SGCZ: variants seen among roughly 807,000 people sequenced by gnomAD.
SGCZ encodes the protein sarcoglycan zeta.
In SGCZ, 40 loss-of-function variants were observed where a neutral mutation model predicts 41.3. That is an observed-to-expected ratio of 0.97 (90% CI 0.75 to 1.26). SGCZ has a LOEUF of 1.26. SGCZ is among the 50% of genes most tolerant of loss of function. SGCZ has a pLI of 0.00. For missense variants in SGCZ, 552 were observed against 369.8 expected (o/e 1.49, Z -4.04); for synonymous variants, 206 against 137.5 (o/e 1.50, Z -3.49).
At chr8:14,567,214 G>A (rs1804398272) in intron 1 of SGCZ, among the ~76,000 whole-genome samples, 1 of 152,204 alleles carries the variant, frequency 6.6e-6, no homozygotes, top group South Asian at 2.1e-4. Flanking sequence ...CAAGGGCTGA[G>A]GAGTGCAGGC....
chr8:14,660,571 C>CAA (rs71304960), intron 1 of SGCZ, among the ~76,000 whole-genome samples: 2,878 of 67,122 alleles, frequency 0.043, 178 homozygotes, highest in African/African-American at 0.11. Context: ...AACTCCATCT[C>CAA]AAAAAAAAAA....
chr8:14,288,224 CTT>C (rs952275231), intron 3 of SGCZ, among the ~76,000 whole-genome samples: 19 of 152,038 alleles, frequency 1.2e-4, no homozygotes, highest in African/African-American at 4.1e-4. Flanking sequence ...TTATTAATCT[CTT>C]AAATTAATTT....
At chr8:14,464,237 T>C (rs754288006) in intron 2 of SGCZ, among the ~76,000 whole-genome samples, 12 of 151,460 alleles carry the variant, frequency 7.9e-5, no homozygotes, top group Non-Finnish European at 1.8e-4. Context: ...GGTGAAGCCA[T>C]CAAATCTGGG....
chr8:14,227,012 T>C (rs1293422183), intron 4 of SGCZ, among the ~76,000 whole-genome samples: 1 of 152,124 alleles, frequency 6.6e-6, no homozygotes, highest in African/African-American at 2.4e-5. Flanking sequence ...TACTCTAGTG[T>C]GCTTTAGGTA....
intron 3 of SGCZ, among the ~76,000 whole-genome samples, chr8:14,257,427 T>G (rs1799504765): frequency 6.6e-6 from 1 of 151,932 alleles, no homozygotes; most frequent in African/African-American, 2.4e-5. Flanking sequence ...TCTAAAACTG[T>G]TTTTGCAGCA....
chr8:15,208,176 G>A (rs374992372), intron 1 of SGCZ, among the ~76,000 whole-genome samples: 49 of 152,226 alleles, frequency 3.2e-4, no homozygotes, highest in African/African-American at 1.2e-3. Context: ...CCTGAAGAAT[G>A]TGTAAAGAGA....
chr8:15,129,261 C>G (rs867564943), intron 1 of SGCZ, among the ~76,000 whole-genome samples: 4 of 152,236 alleles, frequency 2.6e-5, no homozygotes, highest in East Asian at 1.9e-4. Flanking sequence ...AATGTCCACA[C>G]TTTCTTTTGC....
intron 1 of SGCZ, among the ~76,000 whole-genome samples, chr8:14,629,366 C>T (rs1296837786): frequency 1.5e-5 from 1 of 64,912 alleles, no homozygotes; most frequent in African/African-American, 5.4e-5. Context: ...AATACATTAT[C>T]TAAATAATGT....
chr8:14,389,824 G>T (rs978548447), intron 2 of SGCZ, among the ~76,000 whole-genome samples: 2 of 151,950 alleles, frequency 1.3e-5, no homozygotes, highest in African/African-American at 4.8e-5. Context: ...GTTTGTTATT[G>T]TTGTCTAGTG....
intron 2 of SGCZ, among the ~76,000 whole-genome samples, chr8:14,526,613 T>C (rs1266328530): frequency 6.6e-6 from 1 of 152,160 alleles, no homozygotes; most frequent in Non-Finnish European, 1.5e-5. Context: ...ATATCTATTT[T>C]TCATGTTAGT....
At chr8:14,626,692 C>A (rs1341892615) in intron 1 of SGCZ, among the ~76,000 whole-genome samples, 2 of 151,976 alleles carry the variant, frequency 1.3e-5, no homozygotes, top group African/African-American at 2.4e-5. Context: ...GCTTATGCTA[C>A]CACAAGCCAA....
intron 2 of SGCZ, among the ~76,000 whole-genome samples, chr8:14,510,403 T>C (rs969280492): frequency 2.1e-4 from 32 of 152,022 alleles, no homozygotes; most frequent in Non-Finnish European, 4.1e-4. Flanking sequence ...GGTTTTCCAA[T>C]TTCAAAATCT....
intron 2 of SGCZ, among the ~76,000 whole-genome samples, chr8:14,388,194 C>T (rs181813248): frequency 2.4e-3 from 368 of 151,474 alleles, no homozygotes; most frequent in Non-Finnish European, 4.0e-3. Context: ...TTGCCTGATA[C>T]GAAAAAAAGT....
intron 1 of SGCZ, among the ~76,000 whole-genome samples, chr8:14,764,833 T>C (rs769267084): frequency 3.3e-5 from 5 of 152,212 alleles, no homozygotes; most frequent in Non-Finnish European, 7.3e-5. Flanking sequence ...TTCTGATATG[T>C]AGAAGAGTAT....
At chr8:15,077,795 G>A (rs942754817) in intron 1 of SGCZ, among the ~76,000 whole-genome samples, 9 of 152,136 alleles carry the variant, frequency 5.9e-5, no homozygotes, top group Non-Finnish European at 1.2e-4. Flanking sequence ...TAGCTCCATA[G>A]ACCCATGCAT....
At chr8:14,954,983 T>C (rs1278013246) in intron 1 of SGCZ, among the ~76,000 whole-genome samples, 1 of 152,204 alleles carries the variant, frequency 6.6e-6, no homozygotes, top group Admixed American at 6.5e-5. Flanking sequence ...CATAATCAAA[T>C]AAGATATAGG....
chr8:14,793,794 C>A (rs1235213337), intron 1 of SGCZ, among the ~76,000 whole-genome samples: 1 of 152,114 alleles, frequency 6.6e-6, no homozygotes, highest in African/African-American at 2.4e-5. Flanking sequence ...TTCTCTTTCA[C>A]CTTGGCAGAA....
chr8:15,042,278 C>T (rs1231394411), intron 1 of SGCZ, among the ~76,000 whole-genome samples: 5 of 152,254 alleles, frequency 3.3e-5, no homozygotes, highest in African/African-American at 4.8e-5. Context: ...GCCTAGCTGA[C>T]GGCAGTTCCC....
chr8:15,019,263 T>C (rs1803160465), intron 1 of SGCZ, among the ~76,000 whole-genome samples: 1 of 152,168 alleles, frequency 6.6e-6, no homozygotes, highest in African/African-American at 2.4e-5. Context: ...GGGCTATGGT[T>C]GTTTTCCAGG....
Sources: gnomAD v4.1 joint callset for allele counts (sites outside exome capture counted in the v4.1 genomes callset) on GRCh38, gnomAD v4.1.1 for gene constraint, MANE v1.5 for transcripts, NCBI Gene and HGNC (gene_info 2026-07-23, HGNC 2026-07-21) for gene names.